The following PRAM1 variants were observed in gnomAD, a reference collection of about 807,000 sequenced individuals.
PRAM1 encodes the protein PML-RARA regulated adaptor molecule 1, also known as PML-RARA-regulated adapter molecule 1.
PRAM1 carries 41 observed loss-of-function variants against 55.3 expected under a neutral mutation model. The ratio of observed to expected loss-of-function variants is 0.74; its 90% CI spans 0.58 to 0.96. The LOEUF is 0.96. Ranked by LOEUF, PRAM1 falls within the 40% of genes least tolerant of loss-of-function variation. The pLI is 0.00. For synonymous variants in PRAM1, 401 were observed against 387.1 expected, an observed-to-expected ratio of 1.04 and a Z score of -0.42; for missense variants, 898 against 892.7, an observed-to-expected ratio of 1.01 and a Z score of -0.08.
chr19:8,490,117 C>A lies in PRAM1; in HGVS notation c.*72G>T. 2.8e-6 allele frequency: 4 copies of A among 1,426,098 alleles called. No individual in the cohort carries two copies. Among genetic ancestry groups the A allele is most frequent in the Non-Finnish European group, 3.7e-6 (4 of 1,068,208 alleles). 88.3% of individuals were successfully genotyped at this position (1,426,098 alleles called of 1,614,324 possible). A position where few individuals can be genotyped will look rare whatever the true frequency, so the allele number is the denominator to read the frequency against. On this transcript the variant is annotated 3_prime_UTR_variant, in exon 10 of 10. Coordinates refer to ENST00000423345, the MANE Select transcript of PRAM1 (RefSeq NM_032152.5). This position sits in a 1 kb window ranked among gnomAD's most constrained non-coding sequence, Gnocchi z 7.3. ...CCCAGGCAGCTCTGTGACTTTCCCG[C>A]GCCGGGATCCAGGGCTCCTGGGTGA...
Position 8,493,149 on chromosome 19 carries a change from C to T in PRAM1, c.1577-1992G>A, listed in dbSNP as rs1971652516. Among the ~76,000 whole-genome samples, 1 of 152,198 alleles carries T rather than the reference C, an allele frequency of 6.6e-6. No homozygotes were observed. The highest frequency in any genetic ancestry group is 1.5e-5 in the Non-Finnish European group (1 of 68,026). On this transcript the variant is annotated intron_variant, in intron 4 of 9. Transcript: ENST00000423345. The surrounding 1 kb of genome is among the most constrained non-coding windows in gnomAD (Gnocchi z 4.1). ...AAATGACCAGGCTCCCAAGTCAGAG[C>T]CCTGCTGGCCAAGGAATTGGCTTCA...
intron 4 of PRAM1, among the ~76,000 whole-genome samples, chr19:8,497,041 AAATG>A (rs1268326884): frequency 2.6e-5 from 4 of 152,072 alleles, no homozygotes; most frequent in Non-Finnish European, 4.4e-5. Flanking sequence ...ATAAATAAAT[AAATG>A]AATGGATGGA....
intron 4 of PRAM1, among the ~76,000 whole-genome samples, chr19:8,497,209 T>C (rs1314279788): frequency 6.7e-6 from 1 of 148,920 alleles, no homozygotes; most frequent in Non-Finnish European, 1.5e-5. Flanking sequence ...GGGTGTTTGC[T>C]GCCCAGGCTG....
rs1235707633 is a variant in PRAM1 at position 8,502,596 on chromosome 19, T to C, written c.-5A>G. ...TGCAGGCAGGTGATGGGCCATGGGA[T>C]GAGTGGGACCCGAGCTGGGGCCGCT... On this transcript the variant is annotated 5_prime_UTR_variant, in exon 1 of 10. Coordinates refer to ENST00000423345, the MANE Select transcript of PRAM1 (RefSeq NM_032152.5). The C allele has an allele frequency of 6.4e-7, 1 of 1,550,516 alleles. No individual in the cohort carries two copies. Among genetic ancestry groups the C allele is most frequent in the Non-Finnish European group, 8.7e-7 (1 of 1,148,536 alleles).
chr19:8,494,329 C>A (rs1485468236), intron 4 of PRAM1, among the ~76,000 whole-genome samples: 1 of 152,198 alleles, frequency 6.6e-6, no homozygotes, highest in Non-Finnish European at 1.5e-5. Context: ...CCATCCGCAT[C>A]CCCAACGGTG....
chr19:8,490,475 C>G lies in PRAM1; in HGVS notation c.1940+1G>C. 2 of 1,612,934 alleles carry G rather than the reference C, an allele frequency of 1.2e-6. No individual in the cohort carries two copies. The highest frequency in any genetic ancestry group is 1.7e-6 in the Non-Finnish European group (2 of 1,179,554). ...CCACCACGGTCAGGGCTGGCACTCA[C>G]AGGGGCAGGAGCGCTGTTCTGGGCA... On this transcript the variant is annotated splice_donor_variant, in intron 8 of 9. Coordinates refer to ENST00000423345, the MANE Select transcript of PRAM1 (RefSeq NM_032152.5). LOFTEE classifies it high-confidence loss of function. This position sits in a 1 kb window ranked among gnomAD's most constrained non-coding sequence, Gnocchi z 7.3.
Position 8,498,948 on chromosome 19 carries a change from T to C in PRAM1, c.860A>G (p.Gln287Arg). Reference sequence around the variant, plus strand: ...CCTGGTGAGGTCCCCAAGCTCAGGCTGCGGAGGCTTCTTGGGAAAGTCACT... The same window carrying C: ...CCTGGTGAGGTCCCCAAGCTCAGGCCGCGGAGGCTTCTTGGGAAAGTCACT... ...PLSDFPKKPP[Q>R]PELGDLTRTS... Residue 287 changes from glutamine to arginine, a missense_variant, in exon 2 of 10, where the codon CAG (glutamine) becomes CGG (arginine). Coordinates refer to ENST00000423345, the MANE Select transcript of PRAM1 (RefSeq NM_032152.5). 6.2e-7 allele frequency: 1 copy of C among 1,613,860 alleles called. No individual in the cohort carries two copies. Among genetic ancestry groups the C allele is most frequent in the African/African-American group, 1.3e-5 (1 of 75,044 alleles).
Position 8,497,409 on chromosome 19 carries a change from T to TA in PRAM1, c.1576+354dup, listed in dbSNP as rs1468177448. 3.3e-5 allele frequency among the ~76,000 whole-genome samples: 5 copies of TA among 152,258 alleles called. No individual in the cohort carries two copies. The East Asian group carries it at 9.7e-4, about 29-fold the overall frequency. ...CCAGACTGGTCTGGAATCTTGGGCT[T>TA]ACGGGATCCTCCTGTCTTGGCCTCA... On this transcript the variant is annotated intron_variant, in intron 4 of 9. Coordinates refer to ENST00000423345, the MANE Select transcript of PRAM1 (RefSeq NM_032152.5).
At chr19:8,491,340 T>A in intron 4 of PRAM1, 183 bp from the exon 5 acceptor site, 1 of 645,012 alleles carries the variant, frequency 1.6e-6, no homozygotes, top group Non-Finnish European at 2.7e-6. Flanking sequence ...TTCAAGCGAT[T>A]CTCCTACCTC....
chr19:8,502,145 C>T (rs898410380), intron 1 of PRAM1, among the ~76,000 whole-genome samples: 2 of 152,158 alleles, frequency 1.3e-5, no homozygotes, highest in Non-Finnish European at 2.9e-5. Flanking sequence ...TGCTCCCGGG[C>T]GACCACAGGG....
chr19:8,502,627 C>A lies in PRAM1; in HGVS notation c.-36G>T, dbSNP rs1376464624. The A allele has an allele frequency of 6.5e-7, 1 of 1,542,732 alleles. No individual in the cohort carries two copies. Among genetic ancestry groups the A allele is most frequent in the Non-Finnish European group, 8.7e-7 (1 of 1,144,416 alleles). On this transcript the variant is annotated 5_prime_UTR_variant, in exon 1 of 10. Transcript: ENST00000423345. ...GGACCCGAGCTGGGGCCGCTGCCTTCAGGAAGTGACTGTGGCTTCTGCTCC... is the reference window on the plus strand; with the variant it reads ...GGACCCGAGCTGGGGCCGCTGCCTTAAGGAAGTGACTGTGGCTTCTGCTCC...
In PRAM1 at chr19:8,498,435, G is replaced by A. The variant is rs756600858; in HGVS notation, c.1373C>T (p.Pro458Leu). The change falls in exon 2 of 10, where the codon CCG becomes CTG. Residue 458 changes from proline (P) to leucine (L), a missense_variant. Pro to Leu is a moderately conservative substitution (Grantham distance 98, BLOSUM62 -3). This residue lies in a region of PRAM1 where 787 missense variants were observed against 735.4 expected (regional missense o/e 1.07). Coordinates refer to ENST00000423345, the MANE Select transcript of PRAM1 (RefSeq NM_032152.5). ...SSLGHPPAKPPLPPGPVDMQS... is the reference protein window; with the variant it reads ...SSLGHPPAKPLLPPGPVDMQS... ...CATATCCACGGGCCCCGGGGGCAGC[G>A]GGGGCTTGGCTGGAGGGTGTCCCAG... is the stretch of plus-strand genomic sequence containing the variant. 1.2e-5 allele frequency: 19 copies of A among 1,579,206 alleles called. 1 individual carries two copies. The South Asian group carries it at 2.2e-4, about 18-fold the overall frequency.
chr19:8,491,655 G>T, intron 4 of PRAM1: 1 of 187,664 alleles, frequency 5.3e-6, no homozygotes, highest in South Asian at 9.7e-5. Context: ...AGGGGTCATG[G>T]GTTCTTCTGG....
At position 8,490,762 on chromosome 19, in the gene PRAM1, G is replaced by A; in HGVS notation, c.1744-6C>T. On this transcript the variant is annotated splice_region_variant and splice_polypyrimidine_tract_variant and intron_variant, in intron 6 of 9. Coordinates refer to ENST00000423345, the MANE Select transcript of PRAM1 (RefSeq NM_032152.5). This position sits in a 1 kb window ranked among gnomAD's most constrained non-coding sequence, Gnocchi z 7.3. Reference sequence around the variant, plus strand: ...ACCACGATCTCCCCTTCAAACTGGGGCGCGAGATGTTAGGGCCTCTGCTTG... The same window carrying A: ...ACCACGATCTCCCCTTCAAACTGGGACGCGAGATGTTAGGGCCTCTGCTTG... 1.9e-6 allele frequency: 3 copies of A among 1,608,344 alleles called. No individual in the cohort carries two copies. The highest frequency in any genetic ancestry group is 1.3e-5 in the African/African-American group (1 of 75,042).
Position 8,490,247 on chromosome 19 carries a change from C to T in PRAM1, c.1976-21G>A, listed in dbSNP as rs1971591389. 2.5e-6 allele frequency: 4 copies of T among 1,609,744 alleles called. No homozygotes were observed. The highest frequency in any genetic ancestry group is 1.1e-5 in the South Asian group (1 of 90,604). ...GGGATCTGCCGAGGAAGCGTGACTT[C>T]CATGGACCCCTCTCCCCAGAAGCCC... On this transcript the variant is annotated intron_variant, in intron 9 of 9. Coordinates refer to ENST00000423345, the MANE Select transcript of PRAM1 (RefSeq NM_032152.5). This position sits in a 1 kb window ranked among gnomAD's most constrained non-coding sequence, Gnocchi z 7.3.
In PRAM1 at chr19:8,490,731, G is replaced by GT; in HGVS notation, c.1768dup (p.Thr590AsnfsTer10). On this transcript the variant is annotated frameshift_variant, in exon 7 of 10. Transcript: ENST00000423345. LOFTEE classifies it high-confidence loss of function. This position sits in a 1 kb window ranked among gnomAD's most constrained non-coding sequence, Gnocchi z 7.3. ...AGCGTTGGGGTCGATCATCATCTTC[G>GT]TGTGAACCACGATCTCCCCTTCAAA... The GT allele has an allele frequency of 6.2e-7, 1 of 1,610,822 alleles. No individual in the cohort carries two copies. The highest frequency in any genetic ancestry group is 8.5e-7 in the Non-Finnish European group (1 of 1,179,730).
At chr19:8,501,138 A>C (rs1599884927) in intron 1 of PRAM1, among the ~76,000 whole-genome samples, 1 of 133,944 alleles carries the variant, frequency 7.5e-6, no homozygotes, top group African/African-American at 2.9e-5. Context: ...TCACTCTGTC[A>C]CCCAGGTTGG....
At chr19:8,491,588 C>T (rs191429425) in intron 4 of PRAM1, 2 of 223,658 alleles carry the variant, frequency 8.9e-6, no homozygotes, top group East Asian at 2.5e-4. Flanking sequence ...CTCCCCAAAT[C>T]CCACCAGGTC....
intron 1 of PRAM1, among the ~76,000 whole-genome samples, chr19:8,501,304 AG>A (rs1971803517): frequency 6.6e-6 from 1 of 151,470 alleles, no homozygotes; most frequent in Non-Finnish European, 1.5e-5. Context: ...CATGTTGGCC[AG>A]GCTGGTCTCG....
Sources: gnomAD v4.1 joint callset for allele counts (sites outside exome capture counted in the v4.1 genomes callset) on GRCh38, gnomAD v4.1.1 for gene constraint, gnomAD v4.1.1 regional missense constraint, Gnocchi (gnomAD v3.1) non-coding constraint, MANE v1.5 for transcripts, NCBI Gene and HGNC (gene_info 2026-07-23, HGNC 2026-07-21) for gene names.